Variants in ST6GALNAC3 observed in about 807,000 individuals in gnomAD.
ST6GALNAC3 encodes alpha-N-acetylgalactosaminide alpha-2,6-sialyltransferase 3.
Under a neutral mutation model 32.7 loss-of-function variants are expected in ST6GALNAC3, and 25 were observed. The ratio of observed to expected loss-of-function variants is 0.76; its 90% confidence interval spans 0.56 to 1.07. The LOEUF is 1.07. Among genes scored for constraint, ST6GALNAC3 ranks in the 50% least tolerant of loss-of-function variants. The pLI is 0.00. For missense variants in ST6GALNAC3, 355 were observed against 382.4 expected (o/e 0.93, Z 0.60); for synonymous variants, 129 against 133.1 (o/e 0.97, Z 0.21).
intron 2 of ST6GALNAC3, among the ~76,000 whole-genome samples, chr1:76,341,605 T>TTTTCTTTCTTTCTTTCTTTCTTTC (rs61587390): frequency 9.9e-5 from 9 of 91,264 alleles, no homozygotes; most frequent in Admixed American, 3.6e-4. Context: ...TCCAAACTGC[T>TTTTCTTTCTTTCTTTCTTTCTTTC]TTTCTTTCTT....
intron 3 of ST6GALNAC3, among the ~76,000 whole-genome samples, chr1:76,564,800 GT>G (rs1322999681): frequency 6.6e-6 from 1 of 151,984 alleles, no homozygotes; most frequent in Non-Finnish European, 1.5e-5. Flanking sequence ...AGCCAGGATG[GT>G]CTCGATCTCC....
intron 3 of ST6GALNAC3, among the ~76,000 whole-genome samples, chr1:76,581,824 G>C (rs979849049): frequency 2.0e-5 from 3 of 152,092 alleles, no homozygotes; most frequent in Admixed American, 6.6e-5. Flanking sequence ...TGCATTTCCA[G>C]TAGTCTCTTG....
At chr1:76,324,887 GC>G (rs1476861054) in intron 2 of ST6GALNAC3, among the ~76,000 whole-genome samples, 2 of 151,816 alleles carry the variant, frequency 1.3e-5, no homozygotes, top group African/African-American at 2.4e-5. Context: ...TATAAGGTTT[GC>G]TTTTTTTATT....
At chr1:76,308,199 T>G (rs1661180042) in intron 1 of ST6GALNAC3, among the ~76,000 whole-genome samples, 1 of 152,188 alleles carries the variant, frequency 6.6e-6, no homozygotes, top group Non-Finnish European at 1.5e-5. Flanking sequence ...CTCTAGTTCT[T>G]ATGCATTTCA....
At chr1:76,112,450 CG>C (rs1016919214) in intron 1 of ST6GALNAC3, among the ~76,000 whole-genome samples, 1 of 148,712 alleles carries the variant, frequency 6.7e-6, no homozygotes, top group African/African-American at 2.5e-5. Context: ...CCGGACGGGG[CG>C]GCTGGCCGGG....
chr1:76,477,452 A>G (rs977773999), intron 3 of ST6GALNAC3, among the ~76,000 whole-genome samples: 1 of 152,102 alleles, frequency 6.6e-6, no homozygotes, highest in Non-Finnish European at 1.5e-5. Context: ...TCTTAGCAGA[A>G]TGTAGATCCT....
chr1:76,305,891 T>C, intron 1 of ST6GALNAC3: 1 of 517,992 alleles, frequency 1.9e-6, no homozygotes. Context: ...TAAAGATGAC[T>C]TGAACTCTGA....
At chr1:76,102,981 GCTAT>G (rs1409750196) in intron 1 of ST6GALNAC3, among the ~76,000 whole-genome samples, 3 of 151,710 alleles carry the variant, frequency 2.0e-5, no homozygotes, top group African/African-American at 4.8e-5. Context: ...AAAATTCTAG[GCTAT>G]CTGTTATGTT....
intron 1 of ST6GALNAC3, among the ~76,000 whole-genome samples, chr1:76,199,849 A>T (rs1003020247): frequency 1.3e-5 from 2 of 152,228 alleles, no homozygotes; most frequent in African/African-American, 4.8e-5. Context: ...AACCCTTAGA[A>T]GATTTACATT....
At chr1:76,606,386 T>C (rs1237880021) in intron 3 of ST6GALNAC3, among the ~76,000 whole-genome samples, 2 of 151,996 alleles carry the variant, frequency 1.3e-5, no homozygotes, top group Admixed American at 1.3e-4. Context: ...TATGAAGCCA[T>C]AACAAGGAAT....
At chr1:76,616,076 CAGA>C (rs1324800280) in intron 3 of ST6GALNAC3, among the ~76,000 whole-genome samples, 4 of 152,134 alleles carry the variant, frequency 2.6e-5, no homozygotes, top group African/African-American at 9.7e-5. Context: ...AGGGTGTGCA[CAGA>C]AGAACTTCTT....
chr1:76,486,958 A>G (rs1163306711), intron 3 of ST6GALNAC3, among the ~76,000 whole-genome samples: 1 of 152,162 alleles, frequency 6.6e-6, no homozygotes, highest in East Asian at 1.9e-4. Context: ...TTGTCTGTAA[A>G]GGATTTTATT....
chr1:76,470,567 T>A (rs1229788056), intron 3 of ST6GALNAC3, among the ~76,000 whole-genome samples: 1 of 152,124 alleles, frequency 6.6e-6, no homozygotes, highest in Admixed American at 6.6e-5. Flanking sequence ...ATGAAATACA[T>A]TTTCTCCTGT....
intron 1 of ST6GALNAC3, among the ~76,000 whole-genome samples, chr1:76,297,765 CTGCAATTTTATCA>C (rs1404517814): frequency 1.3e-5 from 2 of 152,152 alleles, no homozygotes; most frequent in East Asian, 3.9e-4. Context: ...ATTAATGGTA[CTGCAATTTTATCA>C]TGTCTATTAT....
At chr1:76,079,786 C>A (rs940624124) in intron 1 of ST6GALNAC3, among the ~76,000 whole-genome samples, 1 of 152,168 alleles carries the variant, frequency 6.6e-6, no homozygotes, top group Non-Finnish European at 1.5e-5. Flanking sequence ...AGGAAAACCT[C>A]TCAACTCTGC....
chr1:76,292,200 A>C (rs1660136729), intron 1 of ST6GALNAC3, among the ~76,000 whole-genome samples: 1 of 152,256 alleles, frequency 6.6e-6, no homozygotes, highest in Non-Finnish European at 1.5e-5. Context: ...GAAAATATGC[A>C]CTTCTTGATG....
At chr1:76,158,442 A>G (rs1429541068) in intron 1 of ST6GALNAC3, among the ~76,000 whole-genome samples, 2 of 152,208 alleles carry the variant, frequency 1.3e-5, no homozygotes, top group Non-Finnish European at 2.9e-5. Flanking sequence ...TTCAGTCTGT[A>G]GGGCAGGTCA....
chr1:76,243,883 A>T (rs1657106943), intron 1 of ST6GALNAC3, among the ~76,000 whole-genome samples: 1 of 152,198 alleles, frequency 6.6e-6, no homozygotes, highest in African/African-American at 2.4e-5. Context: ...AGGTAGCATG[A>T]TGCCTCCAGC....
intron 3 of ST6GALNAC3, among the ~76,000 whole-genome samples, chr1:76,505,128 CTT>C (rs764191036): frequency 2.1e-5 from 3 of 143,504 alleles, no homozygotes; most frequent in African/African-American, 2.5e-5. Flanking sequence ...GAAGCCAAAG[CTT>C]TTTTTTTTTT....
Sources: allele counts gnomAD v4.1 joint callset (sites outside exome capture counted in the v4.1 genomes callset), GRCh38; gene constraint gnomAD v4.1.1; transcripts MANE v1.5; gene names NCBI Gene and HGNC (gene_info 2026-07-23, HGNC 2026-07-21).